Variants in ACTR2 observed in about 807,000 individuals in gnomAD.
ACTR2 encodes the protein actin-related protein 2.
Under a neutral mutation model 50.2 loss-of-function variants are expected in ACTR2, and 5 were observed. The ratio of observed to expected loss-of-function variants is 0.10; its 90% CI spans 0.05 to 0.21. ACTR2 has a LOEUF of 0.21. Among genes scored for constraint, ACTR2 ranks in the 10% least tolerant of loss-of-function variants. The pLI, the probability that ACTR2 is intolerant of heterozygous loss-of-function variation, is 1.00. For missense variants in ACTR2, 180 were observed against 480.6 expected, an observed-to-expected ratio of 0.37 and a Z score of 5.85; for synonymous variants, 140 against 162.9, an observed-to-expected ratio of 0.86 and a Z score of 1.07.
At chr2:65,255,437 C>T (rs1672132244) in intron 5 of ACTR2, 108 bp from the exon 6 acceptor site, 2 of 912,196 alleles carry the variant, frequency 2.2e-6, no homozygotes, top group Non-Finnish European at 3.2e-6. Context: ...GGATCCACTG[C>T]CCATTCTGTT....
chr2:65,227,974 G>C lies in ACTR2; in HGVS notation c.48+17G>C, dbSNP rs1671557900. ...GGCACCGGGGTAAGGGCCGCGCGAG[G>C]AGGCCTTGGCGGCCACAGACGCCGG... On this transcript the variant is annotated intron_variant, in intron 1 of 8. Coordinates refer to ENST00000260641, the MANE Select transcript of ACTR2 (RefSeq NM_005722.4). 6.7e-7 allele frequency: 1 copy of C among 1,500,322 alleles called. No homozygotes were observed. Among genetic ancestry groups the C allele is most frequent in the Admixed American group, 2.3e-5 (1 of 42,728 alleles). The allele number at this position is 1,500,322 out of a possible 1,614,324, so 92.9% of individuals were successfully genotyped here. A position where few individuals can be genotyped will look rare whatever the true frequency, so the allele number is the denominator to read the frequency against.
rs980414308 is a variant in ACTR2, at chr2:65,269,294, G to A, written c.*560G>A. ...GTTAGGTTCAGAACTAAAGTGTTTT[G>A]GGTGGGTTTTGTTGCGGGGGGGAGG... On this transcript the variant is annotated 3_prime_UTR_variant, in exon 9 of 9. Transcript: ENST00000260641. The A allele has an allele frequency of 6.6e-6, 1 of 151,860 alleles. No individual in the cohort carries two copies. The highest frequency in any genetic ancestry group is 2.4e-5 in the African/African-American group (1 of 41,292). The allele number at this position is 151,860 out of a possible 1,614,324, so 9.4% of individuals were successfully genotyped here.
chr2:65,260,136 G>A (rs916718039), intron 6 of ACTR2, among the ~76,000 whole-genome samples: 2 of 152,194 alleles, frequency 1.3e-5, no homozygotes, highest in Non-Finnish European at 2.9e-5. Context: ...TTTGATAGAA[G>A]TGGTACACAT....
chr2:65,243,523 G>C (rs1271107432), intron 2 of ACTR2, among the ~76,000 whole-genome samples: 1 of 152,128 alleles, frequency 6.6e-6, no homozygotes, highest in African/African-American at 2.4e-5. Context: ...AAGCAACTTG[G>C]GAGGTTAAGG....
chr2:65,260,725 A>G (rs17030108), intron 6 of ACTR2, among the ~76,000 whole-genome samples: 15,000 of 145,550 alleles, frequency 0.1, 860 homozygotes, highest in Middle Eastern at 0.17. Flanking sequence ...GGGGCGTGGC[A>G]TACCTTTTTT....
At chr2:65,255,754 T>C (rs1462680291) in intron 6 of ACTR2, 60 bp downstream of exon 6, 1 of 1,473,896 alleles carries the variant, frequency 6.8e-7, no homozygotes, top group Non-Finnish European at 9.2e-7. Context: ...TGATTATTGG[T>C]GTCAGCTTAA....
intron 5 of ACTR2, among the ~76,000 whole-genome samples, chr2:65,254,373 T>G (rs1249780139): frequency 1.3e-5 from 2 of 152,308 alleles, no homozygotes. Flanking sequence ...TTTAGTAGTT[T>G]TCATGGAATA....
chr2:65,253,964 A>G, intron 5 of ACTR2, 100 bp downstream of exon 5: 1 of 961,824 alleles, frequency 1.0e-6, no homozygotes, highest in South Asian at 1.7e-5. Context: ...GCAAATCTGT[A>G]CCACTAGAGA....
chr2:65,243,091 G>T (rs192865173), intron 2 of ACTR2, among the ~76,000 whole-genome samples: 7 of 151,988 alleles, frequency 4.6e-5, no homozygotes, highest in Non-Finnish European at 7.4e-5. Context: ...CCAGCCTGAC[G>T]AACATGGTGA....
chr2:65,244,307 C>T (rs1671894452), intron 2 of ACTR2, among the ~76,000 whole-genome samples: 1 of 151,620 alleles, frequency 6.6e-6, no homozygotes, highest in Admixed American at 6.6e-5. Context: ...TTATCTTGTA[C>T]AACACACAAA....
At chr2:65,254,453 A>G (rs760748563) in intron 5 of ACTR2, among the ~76,000 whole-genome samples, 1 of 152,226 alleles carries the variant, frequency 6.6e-6, no homozygotes, top group Non-Finnish European at 1.5e-5. Flanking sequence ...TCTTTAAAAC[A>G]TTACTGGAGA....
chr2:65,265,191 T>C lies in ACTR2; in HGVS notation c.1014+16T>C, dbSNP rs1277822033. The C allele has an allele frequency of 3.1e-6, 5 of 1,613,672 alleles. No homozygotes were observed. Among genetic ancestry groups the C allele is most frequent in the Non-Finnish European group, 4.2e-6 (5 of 1,179,558 alleles). ...AAAACTTTCTGTAAGTATTAGTAAA[T>C]CAACTATTACTAACATTCTTTTAAA... On this transcript the variant is annotated intron_variant, in intron 8 of 8. Coordinates refer to ENST00000260641, the MANE Select transcript of ACTR2 (RefSeq NM_005722.4).
chr2:65,236,927 C>A (rs1039702551), intron 1 of ACTR2, among the ~76,000 whole-genome samples: 6 of 152,092 alleles, frequency 3.9e-5, no homozygotes, highest in African/African-American at 1.4e-4. Context: ...TATTTTTCAT[C>A]CTTAATTCTA....
At chr2:65,235,886 A>T (rs1671730896) in intron 1 of ACTR2, among the ~76,000 whole-genome samples, 1 of 152,224 alleles carries the variant, frequency 6.6e-6, no homozygotes. Flanking sequence ...GTAAGAAGAC[A>T]TCTGAATAAT....
intron 1 of ACTR2, among the ~76,000 whole-genome samples, chr2:65,238,725 T>C (rs1269918913): frequency 1.3e-5 from 2 of 151,104 alleles, no homozygotes; most frequent in Non-Finnish European, 2.9e-5. Flanking sequence ...CCCAGCACTT[T>C]GGGAGGCCGA....
chr2:65,242,068 G>A, intron 2 of ACTR2: 1 of 1,599,576 alleles, frequency 6.3e-7, no homozygotes, highest in Non-Finnish European at 8.6e-7. Flanking sequence ...AAGATGGTAA[G>A]TGAGGTTACA....
intron 4 of ACTR2, among the ~76,000 whole-genome samples, chr2:65,252,909 G>C (rs539260433): frequency 3.0e-4 from 45 of 152,102 alleles, no homozygotes; most frequent in African/African-American, 1.1e-3. Context: ...TGAGGAAACA[G>C]GGGAAACAAA....
intron 8 of ACTR2, among the ~76,000 whole-genome samples, chr2:65,268,264 TGTAATTTACTGA>T: frequency 6.6e-6 from 1 of 152,304 alleles, no homozygotes; most frequent in African/African-American, 2.4e-5. Flanking sequence ...TGTTAAGTCA[TGTAATTTACTGA>T]TCAAATTAGG....
intron 1 of ACTR2, among the ~76,000 whole-genome samples, chr2:65,233,942 G>A (rs1671685983): frequency 6.6e-6 from 1 of 151,290 alleles, no homozygotes; most frequent in Non-Finnish European, 1.5e-5. Context: ...TCACTCTGTT[G>A]CCTAGGTGGG....
Sources: allele counts gnomAD v4.1 joint callset (sites outside exome capture counted in the v4.1 genomes callset), GRCh38; gene constraint gnomAD v4.1.1; transcripts MANE v1.5; gene names NCBI Gene and HGNC (gene_info 2026-07-23, HGNC 2026-07-21).